CDYL: variants seen among roughly 807,000 people sequenced by gnomAD.
CDYL encodes chromodomain Y-like protein.
A neutral mutation model predicts 47.3 loss-of-function variants in CDYL; 8 were observed. The observed-to-expected ratio is 0.17, with a 90% CI of 0.10 to 0.31. CDYL has a LOEUF of 0.31. Among genes scored for constraint, CDYL ranks in the 10% least tolerant of loss-of-function variants. CDYL has a pLI of 1.00. For missense variants in CDYL, 471 were observed against 701.4 expected, an observed-to-expected ratio of 0.67 and a Z score of 3.71; for synonymous variants, 266 against 265.0, an observed-to-expected ratio of 1.00 and a Z score of -0.04.
intron 2 of CDYL, among the ~76,000 whole-genome samples, chr6:4,721,600 T>C (rs1478266703): frequency 6.6e-6 from 1 of 152,074 alleles, no homozygotes; most frequent in African/African-American, 2.4e-5. Context: ...CAGGCTGCTA[T>C]CCACTCCTGG....
intron 2 of CDYL, among the ~76,000 whole-genome samples, chr6:4,921,699 C>T (rs1221349280): frequency 2.6e-5 from 4 of 152,188 alleles, no homozygotes; most frequent in Non-Finnish European, 5.9e-5. Flanking sequence ...TCCATCCTGG[C>T]TTTTCATGGT....
intron 2 of CDYL, among the ~76,000 whole-genome samples, chr6:4,728,733 G>A (rs1757555964): frequency 6.6e-6 from 1 of 152,150 alleles, no homozygotes; most frequent in African/African-American, 2.4e-5. Flanking sequence ...GCTTTTGGTT[G>A]TAAAGAGATC....
intron 2 of CDYL, among the ~76,000 whole-genome samples, chr6:4,894,173 G>A (rs549905367): frequency 8.5e-5 from 13 of 152,312 alleles, no homozygotes; most frequent in Non-Finnish European, 1.2e-4. Flanking sequence ...TAGGGAAGTC[G>A]AGTCCAGAGA....
At chr6:4,943,234 G>A (rs1758413261) in intron 4 of CDYL, among the ~76,000 whole-genome samples, 1 of 152,160 alleles carries the variant, frequency 6.6e-6, no homozygotes, top group Non-Finnish European at 1.5e-5. Flanking sequence ...GGAGCAAGAT[G>A]TGTTGTTTAT....
chr6:4,906,359 G>A (rs552678678), intron 2 of CDYL, among the ~76,000 whole-genome samples: 2 of 152,346 alleles, frequency 1.3e-5, no homozygotes, highest in South Asian at 2.1e-4. Context: ...TACCATGAGA[G>A]CATAACGTGA....
At chr6:4,758,953 C>T (rs1758124460) in intron 3 of CDYL, among the ~76,000 whole-genome samples, 1 of 150,544 alleles carries the variant, frequency 6.6e-6, no homozygotes, top group Non-Finnish European at 1.5e-5. Context: ...ACCTCAATCA[C>T]CCAGTTTTCT....
chr6:4,812,889 G>A (rs921727272), intron 1 of CDYL, among the ~76,000 whole-genome samples: 14 of 151,962 alleles, frequency 9.2e-5, no homozygotes, highest in Middle Eastern at 3.2e-3. Flanking sequence ...TGAATGTATA[G>A]GTATATGTGC....
chr6:4,786,044 G>A (rs951738367), intron 1 of CDYL, among the ~76,000 whole-genome samples: 7 of 152,114 alleles, frequency 4.6e-5, no homozygotes, highest in South Asian at 2.1e-4. Flanking sequence ...AAGTGTAAGC[G>A]AAAAAATTAA....
intron 2 of CDYL, among the ~76,000 whole-genome samples, chr6:4,732,893 G>A (rs1436961768): frequency 2.6e-5 from 4 of 152,178 alleles, no homozygotes; most frequent in Admixed American, 2.0e-4. Flanking sequence ...AACAGAGGTG[G>A]TGAGGAGTCC....
intron 1 of CDYL, among the ~76,000 whole-genome samples, chr6:4,826,189 A>C (rs972267446): frequency 1.3e-5 from 2 of 152,222 alleles, no homozygotes; most frequent in Non-Finnish European, 2.9e-5. Flanking sequence ...CAGGTGGTTT[A>C]GTATCCATTG....
At chr6:4,717,712 A>G (rs12203941) in intron 2 of CDYL, among the ~76,000 whole-genome samples, 11 of 111,930 alleles carry the variant, frequency 9.8e-5, no homozygotes, top group East Asian at 2.9e-4. Context: ...ACAAAAAAAA[A>G]AAAAAAAAAA....
intron 1 of CDYL, among the ~76,000 whole-genome samples, chr6:4,884,385 A>G (rs1431427361): frequency 1.3e-5 from 2 of 152,154 alleles, no homozygotes; most frequent in Non-Finnish European, 2.9e-5. Flanking sequence ...AGCAGCTTTT[A>G]TTAGATGTGT....
At chr6:4,872,419 T>C (rs1417140419) in intron 1 of CDYL, among the ~76,000 whole-genome samples, 1 of 152,026 alleles carries the variant, frequency 6.6e-6, no homozygotes, top group Admixed American at 6.6e-5. Flanking sequence ...TTTACACTTG[T>C]TGCCCAGGCT....
At chr6:4,852,686 A>G (rs1043852856) in intron 1 of CDYL, among the ~76,000 whole-genome samples, 1 of 151,814 alleles carries the variant, frequency 6.6e-6, no homozygotes, top group East Asian at 1.9e-4. Context: ...AAGATTTAAC[A>G]TTTTTGTGTG....
chr6:4,819,116 T>TTATCTC (rs1218777784), intron 1 of CDYL, among the ~76,000 whole-genome samples: 1 of 76,672 alleles, frequency 1.3e-5, no homozygotes, highest in South Asian at 5.4e-4. Flanking sequence ...TTTAGGTTCG[T>TTATCTC]TCTCTCTCTC....
chr6:4,817,859 T>A (rs553490709), intron 1 of CDYL, among the ~76,000 whole-genome samples: 1 of 152,364 alleles, frequency 6.6e-6, no homozygotes, highest in East Asian at 1.9e-4. Context: ...CTTTTTCATA[T>A]TAAAAACGTT....
chr6:4,914,956 A>T (rs1757514550), intron 2 of CDYL, among the ~76,000 whole-genome samples: 1 of 152,206 alleles, frequency 6.6e-6, no homozygotes, highest in Admixed American at 6.5e-5. Context: ...TTCTGAGCCT[A>T]GGAGGTCGGG....
At chr6:4,849,112 G>T (rs1760747303) in intron 1 of CDYL, among the ~76,000 whole-genome samples, 1 of 152,158 alleles carries the variant, frequency 6.6e-6, no homozygotes, top group Non-Finnish European at 1.5e-5. Flanking sequence ...TGTCTTAAGA[G>T]TATTCTGATT....
intron 3 of CDYL, among the ~76,000 whole-genome samples, chr6:4,936,748 C>A (rs922386790): frequency 6.6e-6 from 1 of 152,136 alleles, no homozygotes; most frequent in East Asian, 1.9e-4. Flanking sequence ...GAGTTTCTTT[C>A]AACTGGTTTG....
Sources: allele counts gnomAD v4.1 joint callset (sites outside exome capture counted in the v4.1 genomes callset), GRCh38; gene constraint gnomAD v4.1.1; transcripts MANE v1.5; gene names NCBI Gene and HGNC (gene_info 2026-07-23, HGNC 2026-07-21).